CD99: variants seen among roughly 807,000 people sequenced by gnomAD.
The protein encoded by CD99 is CD99 molecule (Xg blood group).
In CD99, 19 loss-of-function variants were observed where a neutral mutation model predicts 28.4. The ratio of observed to expected loss-of-function variants is 0.67; its 90% CI spans 0.47 to 0.98. The LOEUF (loss-of-function observed/expected upper bound fraction) is 0.98. Ranked by LOEUF, CD99 falls within the 50% of genes least tolerant of loss-of-function variation. The probability of loss-of-function intolerance (pLI) is 0.00; values close to 1 mark genes in which losing one functional copy is unlikely to be tolerated. For synonymous variants in CD99, 103 were observed against 92.1 expected, an observed-to-expected ratio of 1.12 and a Z score of -0.67; for missense variants, 283 against 248.8, an observed-to-expected ratio of 1.14 and a Z score of -0.92.
intron 8 of CD99, among the ~76,000 whole-genome samples, chrX:2,732,146 C>T (rs2049645850): frequency 1.3e-5 from 2 of 152,070 alleles, no homozygotes; most frequent in Admixed American, 6.6e-5. Context: ...TTGGGCTTCT[C>T]CTGGTTTTTG....
chrX:2,726,400 C>A, intron 8 of CD99, 27 bp downstream of exon 8: 1 of 1,353,042 alleles, frequency 7.4e-7, no homozygotes, highest in Non-Finnish European at 1.1e-6. Flanking sequence ...CGGTGCCTCT[C>A]CTTCATGCCT....
chrX:2,700,790 C>T (rs1330741809), intron 1 of CD99, among the ~76,000 whole-genome samples: 1 of 152,042 alleles, frequency 6.6e-6, no homozygotes, highest in Admixed American at 6.6e-5. Flanking sequence ...ATCTACCATC[C>T]ATCCATTTAT....
intron 1 of CD99, among the ~76,000 whole-genome samples, chrX:2,693,389 C>T (rs1055427271): frequency 1.3e-5 from 2 of 152,010 alleles, no homozygotes; most frequent in Admixed American, 6.6e-5. Context: ...TAACAGGGGC[C>T]AACCTATCCT....
chrX:2,729,575 A>C (rs150202134), intron 8 of CD99, among the ~76,000 whole-genome samples: 1 of 152,162 alleles, frequency 6.6e-6, no homozygotes, highest in Non-Finnish European at 1.5e-5. Flanking sequence ...ATTACAATTT[A>C]AGATGAGATT....
chrX:2,707,819 G>C, intron 1 of CD99, among the ~76,000 whole-genome samples: 1 of 152,328 alleles, frequency 6.6e-6, no homozygotes, highest in East Asian at 1.9e-4. Context: ...GGTGGGTTTT[G>C]TTGGTGTTTT....
intron 7 of CD99, 172 bp downstream of exon 7, chrX:2,723,536 C>CA: frequency 1.4e-6 from 1 of 717,360 alleles, no homozygotes; most frequent in Non-Finnish European, 2.5e-6. Flanking sequence ...CAGAGGTCCC[C>CA]CAGCAAACCA....
intron 5 of CD99, among the ~76,000 whole-genome samples, chrX:2,722,034 C>G (rs2049015942): frequency 6.6e-6 from 1 of 152,050 alleles, no homozygotes; most frequent in Non-Finnish European, 1.5e-5. Context: ...TGTCTTCACA[C>G]CATCTCCAAT....
rs770484605 is a variant in CD99 at position 2,736,095 on chromosome X, G to A, written c.476-2105G>A. Reference sequence around the variant, plus strand: ...CGGGCGCCTGTAGTCCCAGCTACTCGGGAGGCTGAGGCAAGAGAATGGCGT... The same window carrying A: ...CGGGCGCCTGTAGTCCCAGCTACTCAGGAGGCTGAGGCAAGAGAATGGCGT... On this transcript the variant is annotated intron_variant, in intron 8 of 9. Transcript: ENST00000381192. 1.3e-4 allele frequency among the ~76,000 whole-genome samples: 19 copies of A among 151,864 alleles called. No homozygotes were observed. The South Asian group carries it at 2.9e-3, about 23-fold the overall frequency.
chrX:2,734,874 G>A (rs1012581428), intron 8 of CD99, among the ~76,000 whole-genome samples: 3 of 149,966 alleles, frequency 2.0e-5, no homozygotes, highest in African/African-American at 7.4e-5. Flanking sequence ...ATGAGGCACA[G>A]CCTCCCTTAT....
intron 8 of CD99, 21 bp from the exon 9 acceptor site, chrX:2,738,179 G>A: frequency 6.2e-7 from 1 of 1,612,106 alleles, no homozygotes; most frequent in South Asian, 1.1e-5. Flanking sequence ...GCCTCTCTGT[G>A]TATTTTCTTC....
chrX:2,735,972 G>T (rs1308156433), intron 8 of CD99, among the ~76,000 whole-genome samples: 1 of 152,026 alleles, frequency 6.6e-6, no homozygotes, highest in Non-Finnish European at 1.5e-5. Context: ...GGAGGCCGAG[G>T]TGGGCAGATC....
At chrX:2,695,971 T>C (rs7057777) in intron 1 of CD99, among the ~76,000 whole-genome samples, 2,424 of 152,256 alleles carry the variant, frequency 0.016, 65 homozygotes, top group African/African-American at 0.053. Flanking sequence ...TATTTGGAAG[T>C]GACTCCTCTA....
intron 1 of CD99, among the ~76,000 whole-genome samples, chrX:2,694,753 A>C (rs28594112): frequency 0.31 from 46,647 of 151,260 alleles, 7,490 homozygotes; most frequent in African/African-American, 0.39. Flanking sequence ...ACTCAGTCTC[A>C]AAGAAAAAAA....
intron 1 of CD99, among the ~76,000 whole-genome samples, chrX:2,711,509 A>G (rs1193696284): frequency 2.0e-5 from 3 of 151,828 alleles, no homozygotes; most frequent in Non-Finnish European, 4.4e-5. Flanking sequence ...CTCCCCTCCC[A>G]TGTTTATTGC....
rs1485256321 is a variant in CD99, at chrX:2,738,183, TTTC to T, written c.476-8_476-6del. The T allele has an allele frequency of 8.1e-6, 13 of 1,612,846 alleles. No homozygotes were observed. The highest frequency in any genetic ancestry group is 1.3e-5 in the African/African-American group (1 of 74,892). ...TGTTGCACTGAGCCTCTCTGTGTAT[TTTC>T]TTCTTCTTTTCAGCAGAACAAGGGG... On this transcript the variant is annotated splice_polypyrimidine_tract_variant and intron_variant, in intron 8 of 9. Coordinates refer to ENST00000381192, the MANE Select transcript of CD99 (RefSeq NM_002414.5).
At chrX:2,692,598 T>A (rs1287132551) in intron 1 of CD99, among the ~76,000 whole-genome samples, 1 of 152,214 alleles carries the variant, frequency 6.6e-6, no homozygotes, top group Non-Finnish European at 1.5e-5. Flanking sequence ...AGAGGAAAAC[T>A]TGGAGGACTT....
intron 8 of CD99, among the ~76,000 whole-genome samples, chrX:2,731,988 C>T (rs1277222648): frequency 6.6e-6 from 1 of 150,792 alleles, no homozygotes; most frequent in African/African-American, 2.5e-5. Context: ...AAAAAATTAG[C>T]TGAGTGTGGT....
intron 1 of CD99, among the ~76,000 whole-genome samples, chrX:2,710,553 A>C (rs2048348621): frequency 1.3e-5 from 2 of 148,772 alleles, no homozygotes; most frequent in Non-Finnish European, 1.5e-5. Flanking sequence ...TTTCTTTAAC[A>C]TTCTGACAGT....
intron 1 of CD99, among the ~76,000 whole-genome samples, chrX:2,697,097 A>G (rs1014435068): frequency 6.6e-6 from 1 of 152,132 alleles, no homozygotes. Context: ...CACAGGGTAC[A>G]TGGAAAGCCT....
Sources: allele counts gnomAD v4.1 joint callset (sites outside exome capture counted in the v4.1 genomes callset), GRCh38; gene constraint gnomAD v4.1.1; transcripts MANE v1.5; gene names NCBI Gene and HGNC (gene_info 2026-07-23, HGNC 2026-07-21).